EVPL: variants seen among roughly 807,000 people sequenced by gnomAD.
EVPL encodes envoplakin, also known as 210 kDa cornified envelope precursor protein.
EVPL carries 94 observed loss-of-function variants against 129.7 expected under a neutral mutation model. That is an observed-to-expected ratio of 0.72 (90% CI 0.61 to 0.86). EVPL has a LOEUF of 0.86. Among genes scored for constraint, EVPL ranks in the 40% least tolerant of loss-of-function variants. The pLI, the probability that EVPL is intolerant of heterozygous loss-of-function variation, is 0.00. For missense variants in EVPL, 2,625 were observed against 2,721.1 expected (o/e 0.96, Z 0.79); for synonymous variants, 1,172 against 1,191.1 (o/e 0.98, Z 0.33).
At position 76,023,571 on chromosome 17, in the gene EVPL, G is replaced by C. The variant is rs1405636510; in HGVS notation, c.282C>G (p.Leu94=). 1 of 1,613,098 alleles carries C rather than the reference G, an allele frequency of 6.2e-7. No individual in the cohort carries two copies. Among genetic ancestry groups the C allele is most frequent in the African/African-American group, 1.3e-5 (1 of 75,028 alleles). Residue 94 remains leucine (L), a synonymous_variant, in exon 3 of 22, where the codon CTC becomes CTG. Coordinates refer to ENST00000301607, the MANE Select transcript of EVPL (RefSeq NM_001988.4). ...TGTCCACGTCCAGGAAGAGGTCCTT[G>C]AGCAGCACCTCAGCCTCCTTCAGGC... ...GRSLKEAEVL[L]KDLFLDVDKA... is the part of the protein sequence containing the mutation.
chr17:76,023,508 A>G lies in EVPL; in HGVS notation c.345T>C (p.Ile115=). 1 of 1,613,106 alleles carries G rather than the reference A, an allele frequency of 6.2e-7. No homozygotes were observed. Among genetic ancestry groups the G allele is most frequent in the Non-Finnish European group, 8.5e-7 (1 of 1,179,678 alleles). ...RRLKHPQAEE[I]EKDIKQLHER... is the part of the protein sequence containing the mutation. ...GCCGCAGCTCCACTCACTCCTTCTC[A>G]ATCTCCTCAGCCTGCGGGTGCTTGA... Residue 115 remains isoleucine (I), a synonymous_variant, in exon 3 of 22, where the codon ATT becomes ATC. Coordinates refer to ENST00000301607, the MANE Select transcript of EVPL (RefSeq NM_001988.4).
At chr17:76,021,431 C>T in intron 9 of EVPL, 37 bp downstream of exon 9, 5 of 1,579,060 alleles carry the variant, frequency 3.2e-6, no homozygotes, top group African/African-American at 1.3e-5. Flanking sequence ...CCGCCCCTGC[C>T]GCCCCTGCCG....
At chr17:76,018,126 C>A (rs1202961289) in intron 13 of EVPL, 35 bp downstream of exon 13, 1 of 1,550,320 alleles carries the variant, frequency 6.5e-7, no homozygotes, top group Non-Finnish European at 8.7e-7. Context: ...TCCTTCTAGC[C>A]CCACAGCCAC....
Position 76,012,097 on chromosome 17 carries a change from G to A in EVPL, c.2374-8C>T. The A allele has an allele frequency of 6.2e-7, 1 of 1,607,058 alleles. No homozygotes were observed. ...GATCTCCTGCGTCAGCCTCTGCCAG[G>A]GAAGAACCCAGAGTCAGGAGGCCAG... On this transcript the variant is annotated splice_region_variant and splice_polypyrimidine_tract_variant and intron_variant, in intron 18 of 21. Transcript: ENST00000301607.
chr17:76,007,424 G>T lies in EVPL; in HGVS notation c.5781C>A (p.Pro1927=). 2 of 1,605,364 alleles carry T rather than the reference G, an allele frequency of 1.2e-6. No homozygotes were observed. The highest frequency in any genetic ancestry group is 1.3e-5 in the African/African-American group (1 of 74,898). The change falls in exon 22 of 22, where the codon CCC becomes CCA. Residue 1927 remains proline (P), a synonymous_variant. Coordinates refer to ENST00000301607, the MANE Select transcript of EVPL (RefSeq NM_001988.4). This position sits in a 1 kb window ranked among gnomAD's most constrained non-coding sequence, Gnocchi z 8.8. ...GCAGGTGTGGGAGCACGCTCTCCCG[G>T]GGCATCCAGCCCTTCTGGACGGCCT... is the stretch of plus-strand genomic sequence containing the variant. ...VGEAVQKGWM[P]RESVLPHLQV...
At position 76,026,461 on chromosome 17, in the gene EVPL, C is replaced by T. The variant is rs376631666; in HGVS notation, c.98+640G>A. On this transcript the variant is annotated intron_variant, in intron 1 of 21. Coordinates refer to ENST00000301607, the MANE Select transcript of EVPL (RefSeq NM_001988.4). The stretch of plus-strand genomic sequence containing the variant: ...AGCTCCTGGGCTCAAGGAATCCTCC[C>T]GCATTGGCCTCCTGAAGTTCGGGGA... Among the ~76,000 whole-genome samples the T allele has an allele frequency of 1.4e-4, 21 of 152,274 alleles. No individual in the cohort carries two copies. The South Asian group carries it at 2.9e-3, about 21-fold the overall frequency.
Position 76,009,490 on chromosome 17 carries a change from C to T in EVPL, c.3715G>A (p.Glu1239Lys), listed in dbSNP as rs1306509905. The T allele has an allele frequency of 1.2e-6, 2 of 1,614,036 alleles. No individual in the cohort carries two copies. The highest frequency in any genetic ancestry group is 2.7e-5 in the African/African-American group (2 of 74,914). ...GTGGGCTTCTGGGCCCGCAGGACCT[C>T]CAGGTCGGGCAGCAGCTTCTCCACC... ...KEVEKLLPDLEVLRAQKPTVE... is the reference protein window; with the variant it reads ...KEVEKLLPDLKVLRAQKPTVE... Residue 1239 changes from glutamate (E) to lysine (K), a missense_variant, in exon 22 of 22, where the codon GAG becomes AAG. Around this residue, in one of 4 missense-constraint regions of EVPL, gnomAD observed 1,453 missense variants for 1,511.8 expected, o/e 0.96. Coordinates refer to ENST00000301607, the MANE Select transcript of EVPL (RefSeq NM_001988.4). The surrounding 1 kb of genome is among the most constrained non-coding windows in gnomAD (Gnocchi z 5.9).
intron 11 of EVPL, 132 bp from the exon 12 acceptor site, chr17:76,018,732 G>A (rs2066436235): frequency 1.6e-6 from 2 of 1,218,562 alleles, no homozygotes; most frequent in Non-Finnish European, 2.3e-6. Context: ...GGTGGGAGGT[G>A]CTGGGGTAGA....
At chr17:76,025,363 C>T (rs2665963) in intron 1 of EVPL, among the ~76,000 whole-genome samples, 90,250 of 152,042 alleles carry the variant, frequency 0.59, 28,373 homozygotes, top group East Asian at 0.93. Context: ...TAGAACAGTC[C>T]TGGCATACAG....
In EVPL at chr17:76,027,160, C is replaced by T. The variant is rs781723630; in HGVS notation, c.39G>A (p.Gly13=). The change falls in exon 1 of 22, where the codon GGG becomes GGA. Residue 13 remains glycine (G), a synonymous_variant. Coordinates refer to ENST00000301607, the MANE Select transcript of EVPL (RefSeq NM_001988.4). ...KGLSKGSQGK[G]SPKGSPAKGS... The stretch of plus-strand genomic sequence containing the variant: ...CCTTGGCGGGGGAGCCCTTGGGGGA[C>T]CCCTTCCCCTGGGAGCCTTTGCTCA... The T allele has an allele frequency of 6.3e-7, 1 of 1,582,448 alleles. No homozygotes were observed. The highest frequency in any genetic ancestry group is 1.2e-5 in the South Asian group (1 of 86,592).
At position 76,022,532 on chromosome 17, in the gene EVPL, C is replaced by A. The variant is rs1380891340; in HGVS notation, c.487G>T (p.Val163Phe). The stretch of plus-strand genomic sequence containing the variant: ...CCCGGCCCGTACTGGCCTGCGCAGA[C>A]CTGCTTCTGCAGGAGAGCCGGCGGC... ...ARVLEQKQKQ[V>F]CAGQYGPGMA... The change falls in exon 5 of 22, where the codon GTC (valine) becomes TTC (phenylalanine). Residue 163 changes from valine to phenylalanine, a missense_variant. This residue lies in a region of EVPL where 1,024 missense variants were observed against 997.5 expected (regional missense o/e 1.03). Coordinates refer to ENST00000301607, the MANE Select transcript of EVPL (RefSeq NM_001988.4). This position sits in a 1 kb window ranked among gnomAD's most constrained non-coding sequence, Gnocchi z 5.6. 1 of 1,605,678 alleles carries A rather than the reference C, an allele frequency of 6.2e-7. No homozygotes were observed. Among genetic ancestry groups the A allele is most frequent in the Admixed American group, 1.7e-5 (1 of 58,204 alleles).
Position 76,015,554 on chromosome 17 carries a change from G to A in EVPL, c.1785C>T (p.Ser595=), listed in dbSNP as rs1278762533. 1.9e-6 allele frequency: 3 copies of A among 1,613,094 alleles called. No homozygotes were observed. The highest frequency in any genetic ancestry group is 2.2e-5 in the East Asian group (1 of 44,894). Residue 595 remains serine (S), a synonymous_variant, in exon 15 of 22, where the codon TCC becomes TCT. Transcript: ENST00000301607. The part of the protein sequence containing the change: ...TAQKECEAFL[S]TRPVGPAALQ... ...GGGCAGCGGGGCCCACGGGCCGCGT[G>A]GACAGAAACGCCTCGCACTCCTTCT...
In EVPL at chr17:76,027,271, G is replaced by T; in HGVS notation, c.-73C>A. On this transcript the variant is annotated 5_prime_UTR_variant, in exon 1 of 22. It adds an upstream start codon to the 5' untranslated region. Coordinates refer to ENST00000301607, the MANE Select transcript of EVPL (RefSeq NM_001988.4). ...ACGGCAGGAGGGCAGGTGGGAGGCA[G>T]CGGGCGTCCTCACTGGCTGGTCAGC... 9.1e-7 allele frequency: 1 copy of T among 1,096,104 alleles called. No individual in the cohort carries two copies. Among genetic ancestry groups the T allele is most frequent in the Non-Finnish European group, 1.4e-6 (1 of 717,092 alleles). The allele number at this position is 1,096,104 out of a possible 1,614,324, so 67.9% of individuals were successfully genotyped here.
In EVPL at chr17:76,007,519, G is replaced by A. The variant is rs773730008; in HGVS notation, c.5686C>T (p.Leu1896=). The A allele has an allele frequency of 9.9e-6, 16 of 1,613,880 alleles. No individual in the cohort carries two copies. In the East Asian group the frequency reaches 3.6e-4, roughly 36 times the overall value. Residue 1896 remains leucine, a synonymous_variant, in exon 22 of 22, where the codon CTG becomes TTG. Coordinates refer to ENST00000301607, the MANE Select transcript of EVPL (RefSeq NM_001988.4). This position sits in a 1 kb window ranked among gnomAD's most constrained non-coding sequence, Gnocchi z 8.8. ...GLIENTSTQR[L]LNAQKAFTGI... is the part of the protein sequence containing the mutation. ...GTGAAGGCCTTCTGGGCGTTAAGCA[G>A]CCTCTGTGTGGAGGTGTTCTCGATC...
chr17:76,015,022 G>A lies in EVPL; in HGVS notation c.2116C>T (p.Leu706=), dbSNP rs1173304550. 1.9e-6 allele frequency: 3 copies of A among 1,595,426 alleles called. No homozygotes were observed. The highest frequency in any genetic ancestry group is 2.5e-6 in the Non-Finnish European group (3 of 1,176,480). The change falls in exon 17 of 22, where the codon CTG becomes TTG. Residue 706 remains leucine (L), a synonymous_variant. Coordinates refer to ENST00000301607, the MANE Select transcript of EVPL (RefSeq NM_001988.4). ...LKASEHACAA[L]QNNFQEFCQD... ...CAGAACTCCTGGAAGTTGTTCTGCA[G>A]GGCAGCGCATGCGTGCTCCGAGGCC...
At chr17:76,016,011 G>A (rs2066417182) in intron 14 of EVPL, among the ~76,000 whole-genome samples, 2 of 152,176 alleles carry the variant, frequency 1.3e-5, no homozygotes, top group Non-Finnish European at 2.9e-5. Flanking sequence ...GGCCGTAGCA[G>A]CGCGCACCTG....
Position 76,007,249 on chromosome 17 carries a change from T to TG in EVPL, c.5955dup (p.Ile1986HisfsTer65). The TG allele has an allele frequency of 1.3e-6, 2 of 1,571,144 alleles. No homozygotes were observed. Among genetic ancestry groups the TG allele is most frequent in the Non-Finnish European group, 1.7e-6 (2 of 1,156,720 alleles). ...TTGTAGCTCAGCCGTTCCTTGGAGA[T>TG]GGGGTCTGTCAAATCCTTCTCGTAG... On this transcript the variant is annotated frameshift_variant, in exon 22 of 22. Coordinates refer to ENST00000301607, the MANE Select transcript of EVPL (RefSeq NM_001988.4). LOFTEE classifies it low-confidence loss of function (END_TRUNC). The surrounding 1 kb of genome is among the most constrained non-coding windows in gnomAD (Gnocchi z 8.8).
At position 76,013,813 on chromosome 17, in the gene EVPL, G is replaced by T. The variant is rs1265135722; in HGVS notation, c.2373+613C>A. Among the ~76,000 whole-genome samples, 6 of 152,222 alleles carry T rather than the reference G, an allele frequency of 3.9e-5. No homozygotes were observed. Among genetic ancestry groups the T allele is most frequent in the Non-Finnish European group, 7.4e-5 (5 of 68,014 alleles). ...AGCCAGAGCCAGCTTCTAAACACTG[G>T]CCTGGAAGCATCCCCTCCCCAGCAG... On this transcript the variant is annotated intron_variant, in intron 18 of 21. Coordinates refer to ENST00000301607, the MANE Select transcript of EVPL (RefSeq NM_001988.4). This position sits in a 1 kb window ranked among gnomAD's most constrained non-coding sequence, Gnocchi z 4.3.
Position 76,021,575 on chromosome 17 carries a change from A to G in EVPL, c.916-12T>C. The G allele has an allele frequency of 6.3e-7, 1 of 1,585,738 alleles. No homozygotes were observed. The highest frequency in any genetic ancestry group is 8.6e-7 in the Non-Finnish European group (1 of 1,168,246). ...GCCTCCTGGTGGGCCTGGGTACGGC[A>G]GCATGGAGCCCTCGGACCACGCCCC... On this transcript the variant is annotated splice_polypyrimidine_tract_variant and intron_variant, in intron 8 of 21. Coordinates refer to ENST00000301607, the MANE Select transcript of EVPL (RefSeq NM_001988.4).
Sources: allele counts gnomAD v4.1 joint callset (sites outside exome capture counted in the v4.1 genomes callset), GRCh38; gene constraint gnomAD v4.1.1; regional missense constraint gnomAD v4.1.1; non-coding constraint Gnocchi (gnomAD v3.1); transcripts MANE v1.5; gene names NCBI Gene and HGNC (gene_info 2026-07-23, HGNC 2026-07-21).